The following ADARB1 variants were observed in gnomAD, a reference collection of about 807,000 sequenced individuals.
The protein encoded by ADARB1 is adenosine deaminase RNA specific B1, also known as double-stranded RNA-specific editase 1.
ADARB1 carries 10 observed loss-of-function variants against 52.4 expected under a neutral mutation model. The observed-to-expected ratio is 0.19, with a 90% confidence interval of 0.12 to 0.32. ADARB1 has a LOEUF of 0.32. Ranked by LOEUF, ADARB1 falls within the 10% of genes least tolerant of loss-of-function variation. The probability of loss-of-function intolerance (pLI) is 1.00; values close to 1 mark genes in which losing one functional copy is unlikely to be tolerated. For synonymous variants in ADARB1, 349 were observed against 371.1 expected, an observed-to-expected ratio of 0.94 and a Z score of 0.68; for missense variants, 643 against 922.3, an observed-to-expected ratio of 0.70 and a Z score of 3.92.
chr21:45,131,913 C>T (rs899691758), intron 2 of ADARB1, among the ~76,000 whole-genome samples: 8 of 152,294 alleles, frequency 5.3e-5, no homozygotes, highest in Middle Eastern at 6.8e-3. Context: ...CAAGCCTCTG[C>T]GGGGCTCTTC....
intron 1 of ADARB1, among the ~76,000 whole-genome samples, chr21:45,087,810 TGGAAA>T (rs1445654763): frequency 1.3e-5 from 2 of 151,366 alleles, no homozygotes; most frequent in African/African-American, 2.4e-5. Context: ...GCAAAGGGGG[TGGAAA>T]GGAAAGTGTT....
intron 1 of ADARB1, among the ~76,000 whole-genome samples, chr21:45,109,295 TATGTGTGTGC>T (rs1439870108): frequency 1.3e-5 from 2 of 148,470 alleles, no homozygotes; most frequent in Non-Finnish European, 1.5e-5. Flanking sequence ...CTTGTGCATA[TATGTGTGTGC>T]ACGTGTGTGC....
In ADARB1 at chr21:45,157,094, G is replaced by A. The variant is rs115845670; in HGVS notation, c.-47-14516G>A. On this transcript the variant is annotated intron_variant, in intron 2 of 10. Coordinates refer to ENST00000348831, the MANE Select transcript of ADARB1 (RefSeq NM_001112.4). This position sits in a 1 kb window ranked among gnomAD's most constrained non-coding sequence, Gnocchi z 4.1. The stretch of plus-strand genomic sequence containing the variant: ...AATGGCTATGTGTGTACCTTTCACT[G>A]CATCTGTGCTGATGGGCCTCGCAGC... Among the ~76,000 whole-genome samples, 646 of 152,320 alleles carry A rather than the reference G, an allele frequency of 4.2e-3. 6 individuals are homozygous for A. The highest frequency in any genetic ancestry group is 0.015 in the African/African-American group (615 of 41,560).
intron 2 of ADARB1, among the ~76,000 whole-genome samples, chr21:45,160,910 A>G (rs895498446): frequency 1.3e-5 from 2 of 152,264 alleles, no homozygotes; most frequent in African/African-American, 2.4e-5. Context: ...AAGTTGAAAC[A>G]TGACTGAAAA....
chr21:45,118,881 C>T (rs961543622), intron 1 of ADARB1, among the ~76,000 whole-genome samples: 9 of 152,170 alleles, frequency 5.9e-5, no homozygotes, highest in African/African-American at 2.2e-4. Flanking sequence ...TCTGCTCTCT[C>T]GCATCAACCT....
chr21:45,087,377 G>T (rs900668033), intron 1 of ADARB1, among the ~76,000 whole-genome samples: 1 of 152,212 alleles, frequency 6.6e-6, no homozygotes, highest in African/African-American at 2.4e-5. Context: ...CAGGGCACGT[G>T]GATGTGAATG....
At chr21:45,201,246 C>T (rs536204014) in intron 8 of ADARB1, among the ~76,000 whole-genome samples, 1 of 152,340 alleles carries the variant, frequency 6.6e-6, no homozygotes, top group East Asian at 1.9e-4. Context: ...CGATTTCATC[C>T]TGATGAAGTT....
At position 45,204,285 on chromosome 21, in the gene ADARB1, G is replaced by A. The variant is rs1171402547; in HGVS notation, c.1566-270G>A. ...AATTTCCTTTCTGATATTTCCCACA[G>A]ATTTCTCACAAGAAACATATGTGGC... On this transcript the variant is annotated intron_variant, in intron 8 of 10. Coordinates refer to ENST00000348831, the MANE Select transcript of ADARB1 (RefSeq NM_001112.4). The surrounding 1 kb of genome is among the most constrained non-coding windows in gnomAD (Gnocchi z 4.4). Among the ~76,000 whole-genome samples, 1 of 152,330 alleles carries A rather than the reference G, an allele frequency of 6.6e-6. No homozygotes were observed. The highest frequency in any genetic ancestry group is 1.9e-4 in the East Asian group (1 of 5,190).
intron 2 of ADARB1, chr21:45,145,769 G>T (rs1026060224): frequency 6.6e-6 from 1 of 152,154 alleles, no homozygotes; most frequent in African/African-American, 2.4e-5. Flanking sequence ...CCCTCAACAA[G>T]CTTACCGTGG....
chr21:45,113,048 G>A (rs1009720893), intron 1 of ADARB1, among the ~76,000 whole-genome samples: 4 of 152,134 alleles, frequency 2.6e-5, no homozygotes, highest in Non-Finnish European at 5.9e-5. Flanking sequence ...ATTTGTCTGT[G>A]AAAAGGGAAA....
chr21:45,165,138 G>A (rs2091195743), intron 2 of ADARB1, among the ~76,000 whole-genome samples: 1 of 152,160 alleles, frequency 6.6e-6, no homozygotes, highest in African/African-American at 2.4e-5. Context: ...CTGTCTGTGC[G>A]ACTGGCATGT....
At position 45,101,496 on chromosome 21, in the gene ADARB1, A is replaced by G. The variant is rs193256361; in HGVS notation, c.-220+26703A>G. 1.4e-4 allele frequency among the ~76,000 whole-genome samples: 21 copies of G among 152,372 alleles called. No individual in the cohort carries two copies. The East Asian group carries it at 3.3e-3, about 24-fold the overall frequency. ...TTGTTTTAGAGGCTTTGACGTTATG[A>G]TTAAGTATACCTGTGATGTAACGAA... On this transcript the variant is annotated intron_variant, in intron 1 of 10. Transcript: ENST00000348831.
At chr21:45,097,556 G>A (rs748956588) in intron 1 of ADARB1, among the ~76,000 whole-genome samples, 1 of 152,028 alleles carries the variant, frequency 6.6e-6, no homozygotes, top group Non-Finnish European at 1.5e-5. Flanking sequence ...CCGAGGGGCC[G>A]CTGTCCAGGC....
At position 45,165,012 on chromosome 21, in the gene ADARB1, G is replaced by A. The variant is rs542900294; in HGVS notation, c.-47-6598G>A. 3.7e-4 allele frequency among the ~76,000 whole-genome samples: 57 copies of A among 152,298 alleles called. 1 individual carries two copies. Among genetic ancestry groups the A allele is most frequent in the Admixed American group, 2.8e-3 (43 of 15,300 alleles). On this transcript the variant is annotated intron_variant, in intron 2 of 10. Transcript: ENST00000348831. ...CCCGGGATGGCCAGGTGAACAAGGA[G>A]TTGGCCTTTGTCAAAGCTGAAAACA...
chr21:45,205,699 A>T (rs1266864329), intron 9 of ADARB1, among the ~76,000 whole-genome samples: 2 of 152,180 alleles, frequency 1.3e-5, no homozygotes, highest in Non-Finnish European at 2.9e-5. Context: ...GGAGCTTTTG[A>T]ATTCAAAGGT....
At position 45,157,035 on chromosome 21, in the gene ADARB1, G is replaced by A. The variant is rs2090694077; in HGVS notation, c.-47-14575G>A. Among the ~76,000 whole-genome samples, 1 of 152,220 alleles carries A rather than the reference G, an allele frequency of 6.6e-6. No homozygotes were observed. Among genetic ancestry groups the A allele is most frequent in the Non-Finnish European group, 1.5e-5 (1 of 68,040 alleles). On this transcript the variant is annotated intron_variant, in intron 2 of 10. Coordinates refer to ENST00000348831, the MANE Select transcript of ADARB1 (RefSeq NM_001112.4). This position sits in a 1 kb window ranked among gnomAD's most constrained non-coding sequence, Gnocchi z 4.1. ...AACCCCCAGTGGACAGCAGCGTTAT[G>A]GATAGAAGGCCCAGATCTCCTAGAA...
intron 3 of ADARB1, among the ~76,000 whole-genome samples, chr21:45,175,052 C>T (rs1019762625): frequency 2.6e-5 from 4 of 152,074 alleles, no homozygotes; most frequent in African/African-American, 9.7e-5. Flanking sequence ...TAAATAGATA[C>T]TAGAAATAAA....
chr21:45,150,489 T>A (rs1187653123), intron 2 of ADARB1, among the ~76,000 whole-genome samples: 1 of 152,228 alleles, frequency 6.6e-6, no homozygotes, highest in Non-Finnish European at 1.5e-5. Flanking sequence ...AGTTTTAAAT[T>A]TAATACTTTG....
intron 8 of ADARB1, among the ~76,000 whole-genome samples, chr21:45,193,917 A>T (rs768503191): frequency 1.6e-4 from 25 of 152,250 alleles, no homozygotes; most frequent in Non-Finnish European, 3.4e-4. Flanking sequence ...ATTGATCTAT[A>T]GACTCAATGC....
Sources: gnomAD v4.1 joint callset for allele counts (sites outside exome capture counted in the v4.1 genomes callset) on GRCh38, gnomAD v4.1.1 for gene constraint, Gnocchi (gnomAD v3.1) non-coding constraint, MANE v1.5 for transcripts, NCBI Gene and HGNC (gene_info 2026-07-23, HGNC 2026-07-21) for gene names.